The following TUSC3 variants were observed in gnomAD, a reference collection of about 807,000 sequenced individuals.
TUSC3 encodes dolichyl-diphosphooligosaccharide--protein glycosyltransferase subunit TUSC3.
A neutral mutation model predicts 44.8 loss-of-function variants in TUSC3; 45 were observed. That is an observed-to-expected ratio of 1.00 (90% CI 0.79 to 1.29). The LOEUF is 1.29. Ranked by LOEUF, TUSC3 falls within the 50% of genes most tolerant of loss-of-function variation. The pLI, the probability that TUSC3 is intolerant of heterozygous loss-of-function variation, is 0.00. For synonymous variants in TUSC3, 212 were observed against 152.9 expected (o/e 1.39, Z -2.85); for missense variants, 519 against 437.9 (o/e 1.19, Z -1.65).
chr8:15,830,758 G>A, the TUSC3 span, among the ~76,000 whole-genome samples: 1 of 152,128 alleles, frequency 6.6e-6, no homozygotes, highest in African/African-American at 2.4e-5. Context: ...GGACTCCAAA[G>A]GGAGGAAGGT....
intron 1 of TUSC3, among the ~76,000 whole-genome samples, chr8:15,582,823 A>C (rs1194659959): frequency 6.6e-6 from 1 of 152,184 alleles, no homozygotes; most frequent in Non-Finnish European, 1.5e-5. Context: ...CCAGAACTTT[A>C]CTAGAGCCAG....
chr8:15,760,391 A>T (rs1311271415), intron 10 of TUSC3, among the ~76,000 whole-genome samples: 1 of 152,190 alleles, frequency 6.6e-6, no homozygotes, highest in Non-Finnish European at 1.5e-5. Flanking sequence ...TACAATATAT[A>T]TGATTTTACA....
At chr8:15,466,841 T>C (rs1349625969) in intron 1 of TUSC3, among the ~76,000 whole-genome samples, 1 of 152,186 alleles carries the variant, frequency 6.6e-6, no homozygotes, top group African/African-American at 2.4e-5. Context: ...AGTATGATTG[T>C]CAGTTGTTCC....
At chr8:15,610,070 A>G (rs1413777146) in intron 1 of TUSC3, among the ~76,000 whole-genome samples, 4 of 152,028 alleles carry the variant, frequency 2.6e-5, no homozygotes, top group Non-Finnish European at 4.4e-5. Flanking sequence ...TGGTTTAACT[A>G]TTTTTCTTTT....
intron 1 of TUSC3, among the ~76,000 whole-genome samples, chr8:15,595,672 C>A (rs904655708): frequency 3.3e-5 from 5 of 152,136 alleles, no homozygotes; most frequent in Non-Finnish European, 7.3e-5. Context: ...ATTTCAAAAG[C>A]ATCCAGAGAT....
the TUSC3 span, among the ~76,000 whole-genome samples, chr8:15,772,607 T>C: frequency 2.6e-5 from 4 of 152,184 alleles, no homozygotes; most frequent in African/African-American, 9.7e-5. Flanking sequence ...AACACAATCT[T>C]TCTCAACTAG....
At chr8:15,621,370 C>G (rs1246380626) in intron 1 of TUSC3, among the ~76,000 whole-genome samples, 1 of 151,062 alleles carries the variant, frequency 6.6e-6, no homozygotes, top group Admixed American at 6.6e-5. Context: ...AAAATTGAAA[C>G]TAAGAACAAT....
At chr8:15,799,374 G>T in the TUSC3 span, among the ~76,000 whole-genome samples, 1 of 151,828 alleles carries the variant, frequency 6.6e-6, no homozygotes, top group Admixed American at 6.7e-5. Context: ...GTCAGAAAGG[G>T]GTGGACATTT....
At chr8:15,650,664 T>C (rs1229457198) in intron 2 of TUSC3, 33 bp from the exon 3 acceptor site, 1 of 1,580,950 alleles carries the variant, frequency 6.3e-7, no homozygotes, top group Non-Finnish European at 8.7e-7. Context: ...TCAGTACTGA[T>C]GTGTTTCTAC....
the TUSC3 span, among the ~76,000 whole-genome samples, chr8:15,817,495 G>A: frequency 1.3e-5 from 2 of 152,212 alleles, no homozygotes; most frequent in African/African-American, 4.8e-5. Flanking sequence ...ATGTGTTGTG[G>A]AGGGACCTCG....
At chr8:15,707,019 G>T (rs1409562847) in intron 6 of TUSC3, among the ~76,000 whole-genome samples, 1 of 151,968 alleles carries the variant, frequency 6.6e-6, no homozygotes, top group Admixed American at 6.6e-5. Context: ...TATACTTTAT[G>T]GGTTTTGGAC....
Position 15,553,768 on chromosome 8 carries a change from G to C in TUSC3, c.138+13200G>C, listed in dbSNP as rs144902727. Among the ~76,000 whole-genome samples the C allele has an allele frequency of 4.1e-3, 626 of 151,854 alleles. 16 individuals are homozygous for C. Among genetic ancestry groups the C allele is most frequent in the Non-Finnish European group, 7.2e-3 (490 of 67,860 alleles). ...GGGAAGAGAGAGTTAAGTGGTGGTA[G>C]CTGGAGAAGAAGCTGAAATGAAAAT... is the stretch of plus-strand genomic sequence containing the variant. On this transcript the variant is annotated intron_variant, in intron 1 of 10. Transcript: ENST00000503731.
chr8:15,723,273 C>T (rs924705149), intron 6 of TUSC3, among the ~76,000 whole-genome samples: 12 of 152,136 alleles, frequency 7.9e-5, no homozygotes, highest in Admixed American at 6.6e-4. Context: ...CGATGTCCTG[C>T]AACTTCCAGT....
chr8:15,640,587 C>A (rs1585182624), intron 2 of TUSC3, among the ~76,000 whole-genome samples: 1 of 152,220 alleles, frequency 6.6e-6, no homozygotes, highest in East Asian at 1.9e-4. Context: ...AATAAGCCTC[C>A]CCTGCCCCTA....
At chr8:15,802,144 G>A in the TUSC3 span, among the ~76,000 whole-genome samples, 1 of 152,134 alleles carries the variant, frequency 6.6e-6, no homozygotes, top group African/African-American at 2.4e-5. Context: ...AGGGATGCCC[G>A]AGACTTTGGT....
intron 6 of TUSC3, among the ~76,000 whole-genome samples, chr8:15,712,915 T>A (rs1434450053): frequency 1.3e-5 from 2 of 152,154 alleles, no homozygotes; most frequent in Non-Finnish European, 2.9e-5. Context: ...TCAGTCTGGC[T>A]CCTTTATGCG....
At chr8:15,708,320 T>C (rs1369576226) in intron 6 of TUSC3, among the ~76,000 whole-genome samples, 1 of 151,964 alleles carries the variant, frequency 6.6e-6, no homozygotes, top group Non-Finnish European at 1.5e-5. Flanking sequence ...GGAAAAACCT[T>C]GTGTGTCACA....
the TUSC3 span, among the ~76,000 whole-genome samples, chr8:15,832,279 C>T: frequency 1.2e-4 from 19 of 152,114 alleles, no homozygotes; most frequent in African/African-American, 4.6e-4. Flanking sequence ...ACCTTACCCA[C>T]CTGAAGGAAA....
At chr8:15,585,792 T>C (rs1345234659) in intron 1 of TUSC3, among the ~76,000 whole-genome samples, 2 of 152,196 alleles carry the variant, frequency 1.3e-5, no homozygotes, top group Non-Finnish European at 2.9e-5. Context: ...GCCTGCAGAC[T>C]GTTCTTTTGT....
Sources: allele counts gnomAD v4.1 joint callset (sites outside exome capture counted in the v4.1 genomes callset), GRCh38; gene constraint gnomAD v4.1.1; transcripts MANE v1.5; gene names NCBI Gene and HGNC (gene_info 2026-07-23, HGNC 2026-07-21).